Variants in KDM4C observed in about 807,000 individuals in gnomAD.
KDM4C encodes lysine-specific demethylase 4C.
KDM4C carries 81 observed loss-of-function variants against 129.3 expected under a neutral mutation model. The ratio of observed to expected loss-of-function variants is 0.63; its 90% CI spans 0.52 to 0.75. The LOEUF (loss-of-function observed/expected upper bound fraction) is 0.75. Among genes scored for constraint, KDM4C ranks in the 30% least tolerant of loss-of-function variants. The probability of loss-of-function intolerance (pLI) is 0.00; values close to 1 mark genes in which losing one functional copy is unlikely to be tolerated. For missense variants in KDM4C, 1,457 were observed against 1,304.0 expected (o/e 1.12, Z -1.81); for synonymous variants, 573 against 456.1 (o/e 1.26, Z -3.26).
Position 6,734,696 on chromosome 9 carries a change from T to C in KDM4C, c.49+13699T>C. The C allele has an allele frequency of 4.4e-5, 14 of 316,502 alleles. 1 individual carries two copies. The highest frequency in any genetic ancestry group is 4.1e-4 in the South Asian group (14 of 34,532). 19.6% of individuals were successfully genotyped at this position (316,502 alleles called of 1,614,324 possible). On this transcript the variant is annotated intron_variant, in intron 1 of 17. Coordinates refer to the KDM4C transcript ENST00000536108. ...AGGCTGACTCCTTTCACAGTGATTA[T>C]GGCTTCCTGAGTCAAAATAGGATTT...
chr9:7,156,403 G>A (rs1193883755), intron 19 of KDM4C, among the ~76,000 whole-genome samples: 1 of 152,136 alleles, frequency 6.6e-6, no homozygotes, highest in Non-Finnish European at 1.5e-5. Flanking sequence ...ATTGATTTTG[G>A]TGCTTTAGTC....
chr9:7,084,493 C>T (rs1383688148), intron 17 of KDM4C, among the ~76,000 whole-genome samples: 1 of 152,186 alleles, frequency 6.6e-6, no homozygotes, highest in Non-Finnish European at 1.5e-5. Flanking sequence ...GTTAATAGGC[C>T]TTCTCCTTAA....
chr9:6,970,403 T>C (rs572481685), intron 8 of KDM4C, among the ~76,000 whole-genome samples: 1 of 152,342 alleles, frequency 6.6e-6, no homozygotes, highest in African/African-American at 2.4e-5. Flanking sequence ...AAAATATTTG[T>C]AGAGTGAATG....
intron 4 of KDM4C, among the ~76,000 whole-genome samples, chr9:6,825,372 A>G (rs1280718667): frequency 6.6e-6 from 1 of 152,208 alleles, no homozygotes; most frequent in Non-Finnish European, 1.5e-5. Context: ...AAACACCTTG[A>G]CAACTGCTTC....
At chr9:6,912,600 A>G (rs780558665) in intron 8 of KDM4C, among the ~76,000 whole-genome samples, 5 of 152,244 alleles carry the variant, frequency 3.3e-5, no homozygotes, top group Non-Finnish European at 5.9e-5. Flanking sequence ...TCATTGTTCT[A>G]TCTGAAGGGT....
At chr9:7,020,347 G>C (rs1438269362) in intron 15 of KDM4C, among the ~76,000 whole-genome samples, 1 of 152,144 alleles carries the variant, frequency 6.6e-6, no homozygotes, top group East Asian at 1.9e-4. Context: ...TCATCGCTTT[G>C]AGTCCCTGCC....
intron 17 of KDM4C, chr9:7,076,821 C>G (rs762484974): frequency 2.3e-5 from 23 of 1,013,472 alleles, no homozygotes; most frequent in Non-Finnish European, 2.6e-5. Flanking sequence ...ACTACAGCCT[C>G]AAAAATTGTC....
Position 7,106,601 on chromosome 9 carries a change from A to G in KDM4C, c.2610+2731A>G, listed in dbSNP as rs1837717846. Reference sequence around the variant, plus strand: ...TTCTCCCAATTATTTGCTATAAAGCATCCAAAAGGACCATTTTAAGGAAAA... The same window carrying G: ...TTCTCCCAATTATTTGCTATAAAGCGTCCAAAAGGACCATTTTAAGGAAAA... On this transcript the variant is annotated intron_variant, in intron 18 of 21. Transcript: ENST00000381309. Among the ~76,000 whole-genome samples the G allele has an allele frequency of 2.0e-5, 3 of 152,300 alleles. No homozygotes were observed. The South Asian group carries it at 6.2e-4, about 32-fold the overall frequency.
At chr9:6,971,659 T>C (rs1050925738) in intron 8 of KDM4C, among the ~76,000 whole-genome samples, 1 of 152,202 alleles carries the variant, frequency 6.6e-6, no homozygotes, top group African/African-American at 2.4e-5. Flanking sequence ...TGAATGTCAT[T>C]TCCTGGGCAA....
chr9:7,069,518 C>G (rs557285994), intron 17 of KDM4C, among the ~76,000 whole-genome samples: 6 of 152,098 alleles, frequency 3.9e-5, no homozygotes, highest in African/African-American at 1.2e-4. Flanking sequence ...TTTCTAAAAG[C>G]AAAACAAAAC....
intron 2 of KDM4C, among the ~76,000 whole-genome samples, chr9:6,798,974 G>C (rs1035768134): frequency 2.5e-5 from 3 of 118,058 alleles, no homozygotes; most frequent in Non-Finnish European, 5.6e-5. Flanking sequence ...ATGGGTGGCC[G>C]GGCAGAGACG....
chr9:6,849,945 A>G (rs1838535416), intron 5 of KDM4C, among the ~76,000 whole-genome samples: 3 of 152,256 alleles, frequency 2.0e-5, no homozygotes, highest in Non-Finnish European at 4.4e-5. Flanking sequence ...GATGGACCAC[A>G]GATACAACGG....
intron 2 of KDM4C, among the ~76,000 whole-genome samples, chr9:6,802,227 A>G (rs1829134238): frequency 6.6e-6 from 1 of 152,252 alleles, no homozygotes; most frequent in Admixed American, 6.5e-5. Flanking sequence ...CTTAACAGAA[A>G]GACTAAGAGT....
intron 12 of KDM4C, among the ~76,000 whole-genome samples, chr9:7,006,943 A>G (rs1821781568): frequency 1.3e-5 from 2 of 152,202 alleles, no homozygotes; most frequent in Admixed American, 1.3e-4. Flanking sequence ...TTATAAAATA[A>G]ATTTTTATTT....
At chr9:6,728,884 A>G (rs1201938365) in intron 1 of KDM4C, among the ~76,000 whole-genome samples, 1 of 151,594 alleles carries the variant, frequency 6.6e-6, no homozygotes, top group Non-Finnish European at 1.5e-5. Context: ...ATTCTCATTA[A>G]TGTGTGGCCA....
chr9:7,156,559 C>T (rs1843191332), intron 19 of KDM4C, among the ~76,000 whole-genome samples: 1 of 152,166 alleles, frequency 6.6e-6, no homozygotes, highest in South Asian at 2.1e-4. Flanking sequence ...CCAGTTTCAG[C>T]TTTCTACATA....
At chr9:7,093,550 G>T (rs960265520) in intron 17 of KDM4C, among the ~76,000 whole-genome samples, 1 of 152,064 alleles carries the variant, frequency 6.6e-6, no homozygotes. Flanking sequence ...GCATTGGATG[G>T]TCCGCATTTT....
intron 5 of KDM4C, among the ~76,000 whole-genome samples, chr9:6,870,953 G>A (rs1169553010): frequency 1.3e-5 from 2 of 152,172 alleles, no homozygotes; most frequent in Non-Finnish European, 2.9e-5. Flanking sequence ...TGGGACATCT[G>A]TAGGTGCTGC....
chr9:6,916,462 A>G (rs1386147315), intron 8 of KDM4C, among the ~76,000 whole-genome samples: 1 of 151,760 alleles, frequency 6.6e-6, no homozygotes, highest in Admixed American at 6.6e-5. Flanking sequence ...TTTTATAGAG[A>G]CAGGCCTCAC....
Sources: allele counts gnomAD v4.1 joint callset (sites outside exome capture counted in the v4.1 genomes callset), GRCh38; gene constraint gnomAD v4.1.1; transcripts MANE v1.5; gene names NCBI Gene and HGNC (gene_info 2026-07-23, HGNC 2026-07-21).